CALCOCO2: variants seen among roughly 807,000 people sequenced by gnomAD.
CALCOCO2 encodes the protein calcium-binding and coiled-coil domain-containing protein 2.
A neutral mutation model predicts 62.5 loss-of-function variants in CALCOCO2; 42 were observed. The observed-to-expected ratio is 0.67, with a 90% CI of 0.53 to 0.87. The LOEUF (loss-of-function observed/expected upper bound fraction) is 0.87. Ranked by LOEUF, CALCOCO2 falls within the 40% of genes least tolerant of loss-of-function variation. CALCOCO2 has a pLI of 0.00. For synonymous variants in CALCOCO2, 167 were observed against 173.0 expected, an observed-to-expected ratio of 0.97 and a Z score of 0.27; for missense variants, 456 against 515.0, an observed-to-expected ratio of 0.89 and a Z score of 1.11.
chr17:48,858,044 GAA>G (rs10585390), intron 10 of CALCOCO2, among the ~76,000 whole-genome samples: 15,617 of 30,336 alleles, frequency 0.51, 5,133 homozygotes, highest in Middle Eastern at 0.69. Context: ...GAATAGAATA[GAA>G]AATAGAATAG....
chr17:48,836,952 G>A (rs567943871), intron 1 of CALCOCO2, among the ~76,000 whole-genome samples: 3 of 152,100 alleles, frequency 2.0e-5, no homozygotes, highest in Non-Finnish European at 4.4e-5. Flanking sequence ...GTAGAAATGG[G>A]GTTTCACCAT....
At chr17:48,853,219 G>T in intron 9 of CALCOCO2, 1 of 509,472 alleles carries the variant, frequency 2.0e-6, no homozygotes. Flanking sequence ...AGTAATAAAG[G>T]AATATTGCAA....
chr17:48,849,428 T>A (rs745643667), intron 5 of CALCOCO2, 51 bp downstream of exon 5: 15 of 1,532,580 alleles, frequency 9.8e-6, no homozygotes, highest in Non-Finnish European at 1.3e-5. Flanking sequence ...CAGAATTGGA[T>A]GGTGCCTCTT....
chr17:48,858,069 T>TAGAAA, intron 10 of CALCOCO2, among the ~76,000 whole-genome samples: 2 of 145,450 alleles, frequency 1.4e-5, no homozygotes, highest in Non-Finnish European at 3.0e-5. Flanking sequence ...TAGAATAGAA[T>TAGAAA]AGAATTTTAC....
chr17:48,856,219 A>C, intron 10 of CALCOCO2, 32 bp downstream of exon 10: 3 of 1,228,534 alleles, frequency 2.4e-6, no homozygotes, highest in Non-Finnish European at 3.6e-6. Flanking sequence ...TAAAACCCCA[A>C]GGTTTTAAGG....
chr17:48,848,509 G>A (rs1458659133), intron 4 of CALCOCO2, 54 bp downstream of exon 4: 2 of 1,525,908 alleles, frequency 1.3e-6, no homozygotes, highest in Non-Finnish European at 1.8e-6. Flanking sequence ...TAGCAATATA[G>A]GATAGGATGG....
chr17:48,852,323 C>T (rs1031919755), intron 7 of CALCOCO2, 183 bp from the exon 8 acceptor site: 3 of 557,346 alleles, frequency 5.4e-6, no homozygotes, highest in Admixed American at 3.1e-5. Context: ...CAGAACTGCT[C>T]TCATTTTTAG....
rs769396397 is a variant in CALCOCO2, at chr17:48,862,884, A to C, written c.1220A>C (p.Asp407Ala). 3 of 1,613,978 alleles carry C rather than the reference A, an allele frequency of 1.9e-6. No homozygotes were observed. Among genetic ancestry groups the C allele is most frequent in the Non-Finnish European group, 2.5e-6 (3 of 1,179,960 alleles). The stretch of plus-strand genomic sequence containing the variant: ...ATCTGCAAAGCAGATGATATTTGTG[A>C]TCACACCTTGGAGCAACAGCAGATG... ...CPICKADDIC[D>A]HTLEQQQMQP... The change falls in exon 13 of 13, where the codon GAT becomes GCT. Residue 407 changes from aspartate to alanine, a missense_variant. Asp to Ala is a moderately radical substitution (Grantham distance 126, BLOSUM62 -2). Coordinates refer to ENST00000258947, the MANE Select transcript of CALCOCO2 (RefSeq NM_005831.5).
rs2040353544 is a variant in CALCOCO2 at position 48,863,276 on chromosome 17, G to T, written c.*271G>T. 1 of 398,718 alleles carries T rather than the reference G, an allele frequency of 2.5e-6. No homozygotes were observed. Among genetic ancestry groups the T allele is most frequent in the Non-Finnish European group, 4.8e-6 (1 of 209,230 alleles). The allele number at this position is 398,718 out of a possible 1,614,324, so 24.7% of individuals were successfully genotyped here. A position where few individuals can be genotyped will look rare whatever the true frequency, so the allele number is the denominator to read the frequency against. ...TTCTTCTGAGGGTCTCAGTACAAGGGCCCTGGGATGGAGCCAACCTGGGTA... is the reference window on the plus strand; with the variant it reads ...TTCTTCTGAGGGTCTCAGTACAAGGTCCCTGGGATGGAGCCAACCTGGGTA... On this transcript the variant is annotated 3_prime_UTR_variant, in exon 13 of 13. Transcript: ENST00000258947.
At chr17:48,858,044 GAAAATAGAATA>G in intron 10 of CALCOCO2, among the ~76,000 whole-genome samples, 1 of 31,392 alleles carries the variant, frequency 3.2e-5, no homozygotes, top group South Asian at 1.0e-3. Flanking sequence ...GAATAGAATA[GAAAATAGAATA>G]GAATAGAATA....
chr17:48,852,743 G>A, intron 8 of CALCOCO2, 115 bp downstream of exon 8: 1 of 1,124,820 alleles, frequency 8.9e-7, no homozygotes, highest in Non-Finnish European at 1.3e-6. Flanking sequence ...CTGGCTTTAG[G>A]AAAGGGCTCA....
intron 1 of CALCOCO2, among the ~76,000 whole-genome samples, chr17:48,839,696 A>ATTG: frequency 1.3e-4 from 14 of 106,798 alleles, no homozygotes; most frequent in African/African-American, 3.8e-4. Context: ...TTTTTTTTTA[A>ATTG]ACGGAGTTTC....
intron 10 of CALCOCO2, chr17:48,856,766 GTTCT>G (rs1219958241): frequency 2.1e-5 from 6 of 291,880 alleles, no homozygotes; most frequent in East Asian, 2.6e-4. Context: ...TCATTCTCAT[GTTCT>G]TTCTTTTCTT....
intron 2 of CALCOCO2, 51 bp downstream of exon 2, chr17:48,841,938 G>T: frequency 7.6e-7 from 1 of 1,307,230 alleles, no homozygotes; most frequent in South Asian, 1.3e-5. Context: ...GTGATTCTTA[G>T]TTACCTAACT....
chr17:48,855,543 A>T (rs1027231627), intron 9 of CALCOCO2, among the ~76,000 whole-genome samples: 1 of 152,128 alleles, frequency 6.6e-6, no homozygotes, highest in Non-Finnish European at 1.5e-5. Flanking sequence ...CAGTTAGGTC[A>T]ACCCATCACA....
intron 1 of CALCOCO2, among the ~76,000 whole-genome samples, chr17:48,832,347 T>C (rs2039826327): frequency 6.6e-6 from 1 of 152,232 alleles, no homozygotes; most frequent in Non-Finnish European, 1.5e-5. Flanking sequence ...TGAGCCGAGA[T>C]GGCGCCACTG....
intron 10 of CALCOCO2, chr17:48,856,531 T>C (rs1231955882): frequency 4.4e-6 from 2 of 459,204 alleles, no homozygotes; most frequent in Non-Finnish European, 8.7e-6. Context: ...AGTGGGGAAC[T>C]CCTTTTCTTC....
At chr17:48,851,452 A>T in intron 6 of CALCOCO2, 107 bp from the exon 7 acceptor site, 1 of 727,760 alleles carries the variant, frequency 1.4e-6, no homozygotes, top group South Asian at 1.6e-5. Context: ...GTAGATTTTT[A>T]AATAATTCTG....
Position 48,863,206 on chromosome 17 carries a change from C to A in CALCOCO2, c.*201C>A, listed in dbSNP as rs2040352421. The stretch of plus-strand genomic sequence containing the variant: ...CTGCTGCCATCCTTGTGGGTTGCTA[C>A]CTTTAAGTCGCATAACTCTAGCTGT... On this transcript the variant is annotated 3_prime_UTR_variant, in exon 13 of 13. Transcript: ENST00000258947. The A allele has an allele frequency of 1.9e-6, 1 of 537,788 alleles. No homozygotes were observed. The highest frequency in any genetic ancestry group is 3.4e-6 in the Non-Finnish European group (1 of 296,960). The allele number at this position is 537,788 out of a possible 1,614,324, so 33.3% of individuals were successfully genotyped here.
Sources: gnomAD v4.1 joint callset for allele counts (sites outside exome capture counted in the v4.1 genomes callset) on GRCh38, gnomAD v4.1.1 for gene constraint, MANE v1.5 for transcripts, NCBI Gene and HGNC (gene_info 2026-07-23, HGNC 2026-07-21) for gene names.